MTG1: variants seen among roughly 807,000 people sequenced by gnomAD.
MTG1 encodes the protein mitochondrial ribosome-associated GTPase 1.
In MTG1, 30 loss-of-function variants were observed where a neutral mutation model predicts 39.5. The observed-to-expected ratio is 0.76, with a 90% CI of 0.57 to 1.03. MTG1 has a LOEUF of 1.03. Among genes scored for constraint, MTG1 ranks in the 50% least tolerant of loss-of-function variants. The pLI is 0.00. For synonymous variants in MTG1, 217 were observed against 179.0 expected (o/e 1.21, Z -1.69); for missense variants, 513 against 447.4 (o/e 1.15, Z -1.32).
chr10:133,402,843 A>G lies in MTG1; in HGVS notation c.752+70A>G. 8.5e-7 allele frequency: 1 copy of G among 1,176,196 alleles called. No individual in the cohort carries two copies. The highest frequency in any genetic ancestry group is 1.2e-6 in the Non-Finnish European group (1 of 833,244). The allele number at this position is 1,176,196 out of a possible 1,614,324, so 72.9% of individuals were successfully genotyped here. ...CACCTCATTTAAAAAAAAAAAACAA[A>G]CAAAAAAACCCCCAGCATTATAAAG... On this transcript the variant is annotated intron_variant, in intron 9 of 10. Coordinates refer to ENST00000317502, the MANE Select transcript of MTG1 (RefSeq NM_138384.4). The surrounding 1 kb of genome is among the most constrained non-coding windows in gnomAD (Gnocchi z 4.7).
intron 9 of MTG1, among the ~76,000 whole-genome samples, chr10:133,408,632 T>C (rs1850002923): frequency 6.6e-6 from 1 of 152,256 alleles, no homozygotes; most frequent in Non-Finnish European, 1.5e-5. Flanking sequence ...TGATACTAGT[T>C]CTTCCTTAAC....
At chr10:133,418,045 C>CCA (rs940955691) in intron 9 of MTG1, among the ~76,000 whole-genome samples, 3 of 152,168 alleles carry the variant, frequency 2.0e-5, no homozygotes, top group African/African-American at 7.2e-5. Context: ...TGTCGCCCAG[C>CCA]CAGGCTACAG....
Position 133,399,243 on chromosome 10 carries a change from C to T in MTG1, c.420+17C>T. Reference sequence around the variant, plus strand: ...CGAAAAGAGGTTGGTTGGTGGGGCCCAGAGCTGGGAGTGGGAGGCGGGCGT... The same window carrying T: ...CGAAAAGAGGTTGGTTGGTGGGGCCTAGAGCTGGGAGTGGGAGGCGGGCGT... On this transcript the variant is annotated intron_variant, in intron 5 of 10. Coordinates refer to ENST00000317502, the MANE Select transcript of MTG1 (RefSeq NM_138384.4). 6.2e-7 allele frequency: 1 copy of T among 1,613,830 alleles called. No individual in the cohort carries two copies. The highest frequency in any genetic ancestry group is 8.5e-7 in the Non-Finnish European group (1 of 1,179,894).
intron 1 of MTG1, 67 bp downstream of exon 1, chr10:133,394,399 C>A: frequency 7.3e-7 from 1 of 1,361,780 alleles, no homozygotes; most frequent in African/African-American, 1.5e-5. Flanking sequence ...CCTCCCACCC[C>A]GGTTTCGGCC....
intron 9 of MTG1, among the ~76,000 whole-genome samples, chr10:133,411,694 C>T (rs867407000): frequency 9.2e-5 from 14 of 152,052 alleles, no homozygotes; most frequent in Admixed American, 3.3e-4. Flanking sequence ...TCTTCAGGCT[C>T]ACTGATTTTT....
Position 133,401,556 on chromosome 10 carries a change from C to T in MTG1, c.539C>T (p.Pro180Leu), listed in dbSNP as rs1849876430. ...KGKATRVGGE[P>L]GITRAVMSKI... ...AAAGCCACCAGGGTGGGTGGCGAGCCTGGGATCACCAGAGCTGTGATGTCC... is the reference window on the plus strand; with the variant it reads ...AAAGCCACCAGGGTGGGTGGCGAGCTTGGGATCACCAGAGCTGTGATGTCC... The change falls in exon 7 of 11, where the codon CCT becomes CTT. Residue 180 changes from proline (P) to leucine (L), a missense_variant. Coordinates refer to ENST00000317502, the MANE Select transcript of MTG1 (RefSeq NM_138384.4). 1 of 1,595,734 alleles carries T rather than the reference C, an allele frequency of 6.3e-7. No individual in the cohort carries two copies. Among genetic ancestry groups the T allele is most frequent in the Non-Finnish European group, 8.6e-7 (1 of 1,168,678 alleles).
At chr10:133,395,674 T>G (rs367785532) in intron 1 of MTG1, 39 bp from the exon 2 acceptor site, 10 of 1,606,832 alleles carry the variant, frequency 6.2e-6, no homozygotes, top group Non-Finnish European at 7.7e-6. Flanking sequence ...TCTAGAAAGG[T>G]TGTGAGCCCC....
intron 6 of MTG1, chr10:133,399,824 C>T: frequency 2.1e-6 from 1 of 482,640 alleles, no homozygotes; most frequent in East Asian, 3.3e-5. Context: ...CTGTGAATTT[C>T]ACACTTAATT....
intron 9 of MTG1, among the ~76,000 whole-genome samples, 154 bp from the exon 10 acceptor site, chr10:133,419,326 T>G (rs138055191): frequency 6.6e-6 from 1 of 152,276 alleles, no homozygotes; most frequent in Non-Finnish European, 1.5e-5. Flanking sequence ...TCACCTGCAG[T>G]CTCATCTTGG....
intron 9 of MTG1, among the ~76,000 whole-genome samples, chr10:133,413,918 C>CTTTT (rs1285224313): frequency 2.2e-5 from 3 of 136,110 alleles, no homozygotes; most frequent in South Asian, 2.3e-4. Context: ...GTTTTCTTTT[C>CTTTT]TTTTTTTTTT....
chr10:133,394,390 C>T (rs944041938), intron 1 of MTG1, 58 bp downstream of exon 1: 34 of 1,384,680 alleles, frequency 2.5e-5, no homozygotes, highest in East Asian at 6.1e-5. Context: ...CTCTGCTTCC[C>T]TCCCACCCCG....
intron 9 of MTG1, among the ~76,000 whole-genome samples, chr10:133,406,082 G>T (rs1176630487): frequency 1.3e-5 from 2 of 152,152 alleles, no homozygotes; most frequent in Non-Finnish European, 2.9e-5. Context: ...TTTCTCTGGT[G>T]ATTAGTCATG....
At chr10:133,404,129 C>CTTTTTTTTTTT (rs57165977) in intron 9 of MTG1, among the ~76,000 whole-genome samples, 5 of 91,172 alleles carry the variant, frequency 5.5e-5, no homozygotes, top group Admixed American at 1.5e-4. Context: ...AAGTTTTAAT[C>CTTTTTTTTTTT]TTTTTTTTTT....
intron 9 of MTG1, among the ~76,000 whole-genome samples, 167 bp from the exon 10 acceptor site, chr10:133,419,313 C>T (rs531081534): frequency 1.3e-5 from 2 of 152,316 alleles, no homozygotes; most frequent in African/African-American, 4.8e-5. Flanking sequence ...GGCCCAGCAC[C>T]GGTCACCTGC....
chr10:133,400,620 A>G (rs1470617047), intron 6 of MTG1, among the ~76,000 whole-genome samples: 3 of 152,192 alleles, frequency 2.0e-5, no homozygotes, highest in Non-Finnish European at 2.9e-5. Flanking sequence ...ACAGTCATTT[A>G]TTCTTTTAAG....
intron 1 of MTG1, among the ~76,000 whole-genome samples, chr10:133,395,197 T>C (rs1046869513): frequency 1.3e-5 from 2 of 152,104 alleles, no homozygotes; most frequent in East Asian, 1.9e-4. Context: ...ACATCGAGAC[T>C]ATCCTGGCCA....
intron 9 of MTG1, among the ~76,000 whole-genome samples, chr10:133,418,400 T>C (rs996439966): frequency 6.6e-6 from 1 of 152,038 alleles, no homozygotes; most frequent in Non-Finnish European, 1.5e-5. Context: ...AGTTAGATTA[T>C]TGGAAACAGT....
At chr10:133,394,448 C>T (rs966999224) in intron 1 of MTG1, 116 bp downstream of exon 1, 23 of 1,322,754 alleles carry the variant, frequency 1.7e-5, no homozygotes, top group Middle Eastern at 2.5e-4. Flanking sequence ...CTGGCCCCGC[C>T]CCTCCTCCCT....
At chr10:133,412,411 AT>A (rs1850060886) in intron 9 of MTG1, among the ~76,000 whole-genome samples, 1 of 152,150 alleles carries the variant, frequency 6.6e-6, no homozygotes, top group Admixed American at 6.5e-5. Flanking sequence ...TGCTAAACTC[AT>A]TTATTCATTC....
Sources: allele counts gnomAD v4.1 joint callset (sites outside exome capture counted in the v4.1 genomes callset), GRCh38; gene constraint gnomAD v4.1.1; non-coding constraint Gnocchi (gnomAD v3.1); transcripts MANE v1.5; gene names NCBI Gene and HGNC (gene_info 2026-07-23, HGNC 2026-07-21).